The following KLF8 variants were observed in gnomAD, a reference collection of about 807,000 sequenced individuals.
KLF8 encodes the protein Krueppel-like factor 8.
KLF8 carries 10 observed loss-of-function variants against 18.2 expected under a neutral mutation model. The ratio of observed to expected loss-of-function variants is 0.55; its 90% CI spans 0.34 to 0.93. The LOEUF (loss-of-function observed/expected upper bound fraction) is 0.93, where lower values mean the gene tolerates loss of function less well. Ranked by LOEUF, KLF8 falls within the 40% of genes least tolerant of loss-of-function variation. KLF8 has a pLI of 0.02. For missense variants in KLF8, 264 were observed against 277.9 expected (o/e 0.95, Z 0.36); for synonymous variants, 109 against 97.3 (o/e 1.12, Z -0.71).
At chrX:56,182,642 G>T in the KLF8 span, among the ~76,000 whole-genome samples, 1 of 112,306 alleles carries the variant, frequency 8.9e-6, no homozygotes, top group African/African-American at 3.2e-5. Context: ...CTAGAAATGG[G>T]GTTTTGGTGT....
chrX:56,136,935 G>T, the KLF8 span, among the ~76,000 whole-genome samples: 2 of 111,768 alleles, frequency 1.8e-5, no homozygotes, highest in African/African-American at 6.5e-5. Context: ...CCATCAAAAA[G>T]TGGGCAAAGT....
chrX:56,033,227 T>G, the KLF8 span, among the ~76,000 whole-genome samples: 1 of 111,443 alleles, frequency 9.0e-6, no homozygotes, highest in Non-Finnish European at 1.9e-5. Flanking sequence ...TCTATTTCTT[T>G]GATTTAGATT....
intron 1 of KLF8, among the ~76,000 whole-genome samples, chrX:56,236,206 A>C (rs2066472569): frequency 9.0e-6 from 1 of 111,504 alleles, no homozygotes; most frequent in Non-Finnish European, 1.9e-5. Flanking sequence ...TGGACTCTTC[A>C]CTCATTCCTC....
the KLF8 span, among the ~76,000 whole-genome samples, chrX:56,165,870 A>G: frequency 1.8e-5 from 2 of 110,752 alleles, no homozygotes; most frequent in African/African-American, 6.6e-5. Flanking sequence ...AAAAAAAAAA[A>G]AAAGCCTTCT....
chrX:56,196,887 C>G, the KLF8 span, among the ~76,000 whole-genome samples: 1 of 111,642 alleles, frequency 9.0e-6, no homozygotes, highest in African/African-American at 3.2e-5. Flanking sequence ...GAAATCATAA[C>G]AAACTATCTC....
At chrX:55,983,139 G>A in the KLF8 span, among the ~76,000 whole-genome samples, 49 of 111,354 alleles carry the variant, frequency 4.4e-4, no homozygotes, top group Non-Finnish European at 7.9e-4. Context: ...ACCTCTGAGT[G>A]ATTAAAATCC....
chrX:56,120,170 C>T, the KLF8 span, among the ~76,000 whole-genome samples: 4 of 110,664 alleles, frequency 3.6e-5, no homozygotes, highest in South Asian at 3.9e-4. Context: ...TAAGCTCTTC[C>T]GATGTGGGAA....
chrX:56,247,577 A>G (rs1273632581), intron 1 of KLF8, among the ~76,000 whole-genome samples: 1 of 111,760 alleles, frequency 8.9e-6, no homozygotes, highest in African/African-American at 3.2e-5. Context: ...TTATTTTATA[A>G]GCTTTTTTCT....
chrX:55,947,144 C>A, the KLF8 span, among the ~76,000 whole-genome samples: 3 of 111,061 alleles, frequency 2.7e-5, no homozygotes, highest in African/African-American at 6.6e-5. Flanking sequence ...TGAGTATATA[C>A]CCAAAGGACT....
the KLF8 span, among the ~76,000 whole-genome samples, chrX:56,154,538 G>A: frequency 3.6e-5 from 4 of 111,833 alleles, no homozygotes; most frequent in African/African-American, 1.3e-4. Context: ...CAGGACATAG[G>A]CATGGGCAAG....
chrX:56,192,464 C>A, the KLF8 span, among the ~76,000 whole-genome samples: 2 of 111,591 alleles, frequency 1.8e-5, no homozygotes, highest in African/African-American at 6.5e-5. Flanking sequence ...ATAGAAAACA[C>A]AATCCTAAAA....
chrX:56,242,156 C>G (rs2066554036), intron 1 of KLF8, among the ~76,000 whole-genome samples: 1 of 112,090 alleles, frequency 8.9e-6, no homozygotes, highest in Non-Finnish European at 1.9e-5. Context: ...TAATCTCTAG[C>G]ACATTCCAAG....
chrX:56,092,479 A>G, the KLF8 span, among the ~76,000 whole-genome samples: 8 of 111,394 alleles, frequency 7.2e-5, no homozygotes, highest in African/African-American at 2.6e-4. Flanking sequence ...GGTGAGAGAT[A>G]AGAGTCTAGT....
chrX:56,195,428 G>A, the KLF8 span, among the ~76,000 whole-genome samples: 1 of 112,080 alleles, frequency 8.9e-6, no homozygotes, highest in African/African-American at 3.2e-5. Flanking sequence ...TGAGAACTTC[G>A]TGACACGTGC....
the KLF8 span, among the ~76,000 whole-genome samples, chrX:56,112,296 T>C: frequency 9.0e-6 from 1 of 110,740 alleles, no homozygotes. Flanking sequence ...AACACATGGA[T>C]ACAGGGAGGT....
rs1413665121 is a variant in KLF8 at position 56,289,260 on chromosome X, A to AT, written c.*4775dup. On this transcript the variant is annotated 3_prime_UTR_variant, in exon 6 of 6. Coordinates refer to ENST00000468660, the MANE Select transcript of KLF8 (RefSeq NM_007250.5). The stretch of plus-strand genomic sequence containing the variant: ...CAAGTTCTTTTGACACACCCCCATC[A>AT]TTTTTTTTTAGCACGTCCTTACTTT... Among the ~76,000 whole-genome samples, 38 of 108,349 alleles carry AT rather than the reference A, an allele frequency of 3.5e-4. No homozygotes were observed. Among genetic ancestry groups the AT allele is most frequent in the African/African-American group, 9.7e-4 (29 of 29,838 alleles). The allele number at this position is 108,349 out of a possible 115,157, so 94.1% of individuals were successfully genotyped here.
At chrX:56,051,163 T>A in the KLF8 span, among the ~76,000 whole-genome samples, 1 of 111,614 alleles carries the variant, frequency 9.0e-6, no homozygotes, top group Admixed American at 9.6e-5. Flanking sequence ...TATGTGTGTC[T>A]CTGTACGTGA....
At chrX:56,130,818 T>G in the KLF8 span, among the ~76,000 whole-genome samples, 2 of 111,278 alleles carry the variant, frequency 1.8e-5, no homozygotes, top group Non-Finnish European at 3.8e-5. Context: ...TAAAAAACAA[T>G]CACAACTTTA....
chrX:56,191,286 A>T, the KLF8 span, among the ~76,000 whole-genome samples: 1 of 112,077 alleles, frequency 8.9e-6, no homozygotes, highest in African/African-American at 3.2e-5. Context: ...GAACAGACCA[A>T]AAACAGGTAA....
Sources: gnomAD v4.1 joint callset for allele counts (sites outside exome capture counted in the v4.1 genomes callset) on GRCh38, gnomAD v4.1.1 for gene constraint, MANE v1.5 for transcripts, NCBI Gene and HGNC (gene_info 2026-07-23, HGNC 2026-07-21) for gene names.